The following NUCB1 variants were observed in gnomAD, a reference collection of about 807,000 sequenced individuals.
The protein encoded by NUCB1 is nucleobindin-1.
In NUCB1, 47 loss-of-function variants were observed where a neutral mutation model predicts 61.2. The observed-to-expected ratio is 0.77, with a 90% CI of 0.61 to 0.98. NUCB1 has a LOEUF of 0.98. Ranked by LOEUF, NUCB1 falls within the 50% of genes least tolerant of loss-of-function variation. NUCB1 has a pLI of 0.00. For missense variants in NUCB1, 583 were observed against 605.3 expected, an observed-to-expected ratio of 0.96 and a Z score of 0.39; for synonymous variants, 234 against 243.1, an observed-to-expected ratio of 0.96 and a Z score of 0.35.
intron 4 of NUCB1, among the ~76,000 whole-genome samples, chr19:48,907,503 G>A (rs2037425573): frequency 6.6e-6 from 1 of 151,346 alleles, no homozygotes; most frequent in Admixed American, 6.6e-5. Flanking sequence ...TTGAACTCCT[G>A]ACTTCAAGTG....
Position 48,921,334 on chromosome 19 carries a change from G to A in NUCB1, c.1173+10G>A, listed in dbSNP as rs747198511. 70 of 1,569,946 alleles carry A rather than the reference G, an allele frequency of 4.5e-5. 1 individual carries two copies. The highest frequency in any genetic ancestry group is 5.8e-5 in the Non-Finnish European group (67 of 1,158,174). On this transcript the variant is annotated intron_variant, in intron 11 of 12. Coordinates refer to ENST00000405315, the MANE Select transcript of NUCB1 (RefSeq NM_006184.6). The stretch of plus-strand genomic sequence containing the variant: ...GAGAGAGCTGCAGCAGGTGACAGCG[G>A]GGGAAGCTGCTTCCATCCACTGAAT...
intron 4 of NUCB1, 24 bp downstream of exon 4, chr19:48,905,909 G>GGGGGGGGGGGA: frequency 2.0e-6 from 1 of 496,804 alleles, no homozygotes; most frequent in Non-Finnish European, 4.0e-6. Context: ...GGGCGGGAGG[G>GGGGGGGGGGGA]ACAGGCAGGG....
At chr19:48,918,805 G>T (rs577894188) in intron 8 of NUCB1, 21 bp downstream of exon 8, 1 of 1,611,212 alleles carries the variant, frequency 6.2e-7, no homozygotes, top group East Asian at 2.2e-5. Context: ...TGGAAGCCTC[G>T]GGCACCTGGA....
chr19:48,921,354 C>G (rs1257703685), intron 11 of NUCB1, 30 bp downstream of exon 11: 2 of 1,557,676 alleles, frequency 1.3e-6, no homozygotes, highest in Non-Finnish European at 1.7e-6. Context: ...CTTCCATCCA[C>G]TGAATCTCTG....
At chr19:48,916,709 A>G (rs1204668994) in intron 7 of NUCB1, among the ~76,000 whole-genome samples, 3 of 152,140 alleles carry the variant, frequency 2.0e-5, no homozygotes, top group African/African-American at 7.2e-5. Flanking sequence ...GGAGCTCAAG[A>G]GATCGAGACC....
intron 6 of NUCB1, 97 bp from the exon 7 acceptor site, chr19:48,913,377 G>A: frequency 1.6e-6 from 2 of 1,264,636 alleles, no homozygotes; most frequent in African/African-American, 1.5e-5. Context: ...TTGCTTGAGG[G>A]AGATGATGTT....
chr19:48,909,507 A>G (rs1445945610), intron 4 of NUCB1, among the ~76,000 whole-genome samples: 1 of 151,984 alleles, frequency 6.6e-6, no homozygotes, highest in Non-Finnish European at 1.5e-5. Flanking sequence ...TTGGCCTCCC[A>G]AAGTGCTAGG....
At chr19:48,921,718 G>T in intron 11 of NUCB1, 109 bp from the exon 12 acceptor site, 1 of 1,031,940 alleles carries the variant, frequency 9.7e-7, no homozygotes. Context: ...GGGGTTGGCC[G>T]TGACCACTTA....
chr19:48,905,909 G>GC (rs2122170418), intron 4 of NUCB1, 24 bp downstream of exon 4: 6 of 496,786 alleles, frequency 1.2e-5, no homozygotes, highest in African/African-American at 2.2e-5. Flanking sequence ...GGGCGGGAGG[G>GC]ACAGGCAGGG....
At chr19:48,906,335 C>T (rs1334439997) in intron 4 of NUCB1, among the ~76,000 whole-genome samples, 1 of 145,838 alleles carries the variant, frequency 6.9e-6, no homozygotes, top group African/African-American at 2.6e-5. Context: ...ACCCGGGAGG[C>T]GGAGGTTGTA....
In NUCB1 at chr19:48,900,903, A is replaced by G. The variant is rs1248990521; in HGVS notation, c.107A>G (p.Lys36Arg). ...CCCCTGGAGCGAGGGGCGCCCAACA[A>G]GGAGGAGACCCCTGCGACTGAGAGT... ...AVPLERGAPN[K>R]EETPATESPD... Residue 36 changes from lysine (K) to arginine (R), a missense_variant, in exon 2 of 13, where the codon AAG becomes AGG. Coordinates refer to ENST00000405315, the MANE Select transcript of NUCB1 (RefSeq NM_006184.6). 1.2e-6 allele frequency: 2 copies of G among 1,613,894 alleles called. No individual in the cohort carries two copies. The highest frequency in any genetic ancestry group is 2.2e-5 in the South Asian group (2 of 91,086).
intron 3 of NUCB1, among the ~76,000 whole-genome samples, chr19:48,904,839 G>T (rs2037395408): frequency 6.6e-6 from 1 of 152,152 alleles, no homozygotes; most frequent in Non-Finnish European, 1.5e-5. Flanking sequence ...TTTCTTCAAA[G>T]GGGCCACATG....
rs150201926 is a variant in NUCB1, at chr19:48,918,728, A to G, written c.760A>G (p.Ile254Val). The change falls in exon 8 of 13, where the codon ATC becomes GTC. Residue 254 changes from isoleucine to valine, a missense_variant and splice_region_variant. Coordinates refer to ENST00000405315, the MANE Select transcript of NUCB1 (RefSeq NM_006184.6). ...CCTTGCTATCCTCTTCCCTTCAGAT[A>G]TCAACAGTGATGGTGTCCTGGATGA... is the stretch of plus-strand genomic sequence containing the variant. Reference protein sequence around the residue: ...NPKTFFILHDINSDGVLDEQE... With the variant: ...NPKTFFILHDVNSDGVLDEQE... 287 of 1,613,388 alleles carry G rather than the reference A, an allele frequency of 1.8e-4. No homozygotes were observed. The highest frequency in any genetic ancestry group is 2.4e-4 in the Non-Finnish European group (281 of 1,179,320).
In NUCB1 at chr19:48,919,793, G is replaced by A. The variant is rs1419919919; in HGVS notation, c.1002+507G>A. On this transcript the variant is annotated intron_variant, in intron 10 of 12. Coordinates refer to ENST00000405315, the MANE Select transcript of NUCB1 (RefSeq NM_006184.6). ...TTTTTTTTTTTTTTTTTCTGAAACA[G>A]GGTCTTGCTCTGTCGCGTAGGCTGG... is the stretch of plus-strand genomic sequence containing the variant. 3.6e-5 allele frequency among the ~76,000 whole-genome samples: 5 copies of A among 137,568 alleles called. No individual in the cohort carries two copies. In the East Asian group the frequency reaches 1.1e-3, roughly 29 times the overall value. 90.2% of individuals were successfully genotyped at this position (137,568 alleles called of 152,430 possible).
intron 2 of NUCB1, among the ~76,000 whole-genome samples, chr19:48,904,103 A>G (rs2037387111): frequency 6.6e-6 from 1 of 152,056 alleles, no homozygotes; most frequent in Non-Finnish European, 1.5e-5. Flanking sequence ...GGTTGGATGG[A>G]TGGATAAAAG....
intron 8 of NUCB1, 113 bp downstream of exon 8, chr19:48,918,897 C>G: frequency 7.7e-7 from 1 of 1,303,064 alleles, no homozygotes; most frequent in South Asian, 1.2e-5. Context: ...AACTACAACT[C>G]CCATCAGCCC....
chr19:48,913,617 T>A, intron 7 of NUCB1, 53 bp downstream of exon 7: 5 of 1,442,940 alleles, frequency 3.5e-6, no homozygotes, highest in African/African-American at 1.4e-5. Context: ...TTCTGACCCT[T>A]CTAGGACCTG....
At chr19:48,915,784 A>G (rs1018343824) in intron 7 of NUCB1, among the ~76,000 whole-genome samples, 1 of 151,222 alleles carries the variant, frequency 6.6e-6, no homozygotes, top group Non-Finnish European at 1.5e-5. Flanking sequence ...TACAAGCATG[A>G]GCCATCCCAC....
At chr19:48,920,654 G>T (rs1451043113) in intron 10 of NUCB1, among the ~76,000 whole-genome samples, 2 of 152,092 alleles carry the variant, frequency 1.3e-5, no homozygotes, top group African/African-American at 2.4e-5. Context: ...CTCCTGAGTA[G>T]CTGGGATTAT....
Sources: allele counts gnomAD v4.1 joint callset (sites outside exome capture counted in the v4.1 genomes callset), GRCh38; gene constraint gnomAD v4.1.1; transcripts MANE v1.5; gene names NCBI Gene and HGNC (gene_info 2026-07-23, HGNC 2026-07-21).